The following SUGCT variants were observed in gnomAD, a reference collection of about 807,000 sequenced individuals.
SUGCT encodes succinyl-CoA:glutarate CoA-transferase.
In SUGCT, 41 loss-of-function variants were observed where a neutral mutation model predicts 55.0. That is an observed-to-expected ratio of 0.74 (90% CI 0.58 to 0.97). The LOEUF is 0.97. Among genes scored for constraint, SUGCT ranks in the 50% least tolerant of loss-of-function variants. The pLI, the probability that SUGCT is intolerant of heterozygous loss-of-function variation, is 0.00. For missense variants in SUGCT, 568 were observed against 547.8 expected, an observed-to-expected ratio of 1.04 and a Z score of -0.37; for synonymous variants, 187 against 200.4, an observed-to-expected ratio of 0.93 and a Z score of 0.56.
At chr7:40,815,687 C>T (rs1481071009) in intron 13 of SUGCT, among the ~76,000 whole-genome samples, 1 of 152,090 alleles carries the variant, frequency 6.6e-6, no homozygotes, top group Non-Finnish European at 1.5e-5. Context: ...GGCTGCTGAA[C>T]TAAATGAGTG....
intron 12 of SUGCT, chr7:40,499,083 A>G (rs1216840209): frequency 4.4e-6 from 2 of 456,642 alleles, no homozygotes; most frequent in East Asian, 1.4e-4. Flanking sequence ...GGAAACGGCC[A>G]CTTCTGTTCA....
intron 6 of SUGCT, among the ~76,000 whole-genome samples, chr7:40,225,410 AT>A (rs1341860380): frequency 6.7e-6 from 1 of 150,126 alleles, no homozygotes; most frequent in Non-Finnish European, 1.5e-5. Context: ...TATTAATCAG[AT>A]TTTTGGTCTT....
chr7:40,537,403 A>G (rs1315692181), intron 12 of SUGCT, among the ~76,000 whole-genome samples: 2 of 152,296 alleles, frequency 1.3e-5, no homozygotes, highest in African/African-American at 2.4e-5. Context: ...TATCAAATCT[A>G]CAATTGAAGC....
chr7:40,872,171 A>AT, the SUGCT span, among the ~76,000 whole-genome samples: 17 of 152,224 alleles, frequency 1.1e-4, no homozygotes, highest in South Asian at 2.9e-3. Flanking sequence ...GAGAAACACT[A>AT]ATCTAGAGGA....
intron 11 of SUGCT, among the ~76,000 whole-genome samples, chr7:40,475,237 G>A (rs1284728698): frequency 1.3e-5 from 2 of 151,984 alleles, no homozygotes; most frequent in Admixed American, 1.3e-4. Flanking sequence ...TGTTTTTCAC[G>A]AATCTGACCA....
At chr7:40,840,899 G>GTT (rs74810691) in intron 13 of SUGCT, among the ~76,000 whole-genome samples, 45 of 100,182 alleles carry the variant, frequency 4.5e-4, no homozygotes, top group East Asian at 2.6e-3. Flanking sequence ...GTATTTGGGT[G>GTT]TTTTTTTTTA....
At chr7:40,756,813 TA>T (rs528092100) in intron 13 of SUGCT, among the ~76,000 whole-genome samples, 1 of 152,126 alleles carries the variant, frequency 6.6e-6, no homozygotes, top group Non-Finnish European at 1.5e-5. Flanking sequence ...GAAAAGTGTG[TA>T]AAGTTTTCAT....
At chr7:40,418,867 T>C (rs1423697645) in intron 9 of SUGCT, among the ~76,000 whole-genome samples, 1 of 152,130 alleles carries the variant, frequency 6.6e-6, no homozygotes, top group Non-Finnish European at 1.5e-5. Context: ...ATAGTGAAAA[T>C]AAGTAAAAAT....
At chr7:40,306,876 G>C (rs182326487) in intron 8 of SUGCT, among the ~76,000 whole-genome samples, 4 of 152,238 alleles carry the variant, frequency 2.6e-5, no homozygotes, top group Admixed American at 2.6e-4. Context: ...TTGAAATTCT[G>C]TCTCTCTTTG....
chr7:40,519,488 T>G (rs1056431771), intron 12 of SUGCT, among the ~76,000 whole-genome samples: 8 of 151,950 alleles, frequency 5.3e-5, no homozygotes, highest in Non-Finnish European at 8.8e-5. Flanking sequence ...AATAAATAAT[T>G]TTAATAAATA....
intron 13 of SUGCT, among the ~76,000 whole-genome samples, chr7:40,789,883 G>C (rs913664525): frequency 6.6e-6 from 1 of 152,150 alleles, no homozygotes; most frequent in Non-Finnish European, 1.5e-5. Flanking sequence ...CAAATGTGTG[G>C]AGGGGGAGTC....
chr7:40,900,145 G>A, the SUGCT span, among the ~76,000 whole-genome samples: 1 of 152,190 alleles, frequency 6.6e-6, no homozygotes, highest in African/African-American at 2.4e-5. Context: ...TTGGAAACTT[G>A]GCTCATACTT....
chr7:40,153,459 G>T (rs1380805075), intron 1 of SUGCT: 8 of 359,582 alleles, frequency 2.2e-5, no homozygotes, highest in African/African-American at 4.3e-5. Context: ...AATCACTGTG[G>T]GCATGGCATT....
At chr7:40,510,979 A>G (rs1487094450) in intron 12 of SUGCT, among the ~76,000 whole-genome samples, 1 of 152,160 alleles carries the variant, frequency 6.6e-6, no homozygotes, top group Non-Finnish European at 1.5e-5. Flanking sequence ...TTTAGGATGG[A>G]GTTAGGGATA....
the SUGCT span, among the ~76,000 whole-genome samples, chr7:40,935,001 C>T: frequency 4.9e-4 from 74 of 152,248 alleles, 4 homozygotes; most frequent in South Asian, 0.01. Flanking sequence ...TTGTCTTCTG[C>T]GTTGATCATG....
intron 9 of SUGCT, among the ~76,000 whole-genome samples, chr7:40,437,051 T>C (rs1788216145): frequency 6.6e-6 from 1 of 152,244 alleles, no homozygotes. Context: ...AGAAAAACTC[T>C]GTGTCATTTT....
At chr7:40,258,737 A>G (rs770766853) in intron 7 of SUGCT, among the ~76,000 whole-genome samples, 2 of 152,196 alleles carry the variant, frequency 1.3e-5, no homozygotes, top group African/African-American at 2.4e-5. Context: ...GTTAGTGGCT[A>G]TGTAAATTAA....
chr7:40,193,623 G>T (rs1786073263), intron 5 of SUGCT, among the ~76,000 whole-genome samples: 1 of 148,412 alleles, frequency 6.7e-6, no homozygotes, highest in Non-Finnish European at 1.5e-5. Flanking sequence ...TTTTGAAGCA[G>T]GTTCTCACTC....
the SUGCT span, among the ~76,000 whole-genome samples, chr7:40,942,054 C>G: frequency 6.6e-6 from 1 of 151,932 alleles, no homozygotes; most frequent in African/African-American, 2.4e-5. Context: ...GCATTTAGAC[C>G]ACATTTAACA....
Sources: allele counts gnomAD v4.1 joint callset (sites outside exome capture counted in the v4.1 genomes callset), GRCh38; gene constraint gnomAD v4.1.1; transcripts MANE v1.5; gene names NCBI Gene and HGNC (gene_info 2026-07-23, HGNC 2026-07-21).